Variants in AUH observed in about 807,000 individuals in gnomAD.
AUH encodes AU RNA binding methylglutaconyl-CoA hydratase.
AUH carries 29 observed loss-of-function variants against 42.3 expected under a neutral mutation model. The ratio of observed to expected loss-of-function variants is 0.69; its 90% confidence interval spans 0.51 to 0.93. The LOEUF (loss-of-function observed/expected upper bound fraction) is 0.93, where lower values mean the gene tolerates loss of function less well. AUH is among the 40% of genes least tolerant of loss of function. The pLI is 0.00. For missense variants in AUH, 452 were observed against 438.1 expected, an observed-to-expected ratio of 1.03 and a Z score of -0.28; for synonymous variants, 174 against 166.4, an observed-to-expected ratio of 1.05 and a Z score of -0.35.
intron 1 of AUH, among the ~76,000 whole-genome samples, chr9:91,359,990 C>T (rs557947864): frequency 2.6e-5 from 4 of 151,250 alleles, no homozygotes; most frequent in African/African-American, 9.7e-5. Context: ...TATGTCCTAT[C>T]TCATCAGGAA....
intron 7 of AUH, among the ~76,000 whole-genome samples, 158 bp from the exon 8 acceptor site, chr9:91,217,485 T>C (rs973223235): frequency 1.4e-4 from 21 of 151,910 alleles, no homozygotes; most frequent in Admixed American, 2.0e-4. Context: ...TGCAAGGCTG[T>C]AATTAAAGAG....
chr9:91,322,841 G>C (rs961334316), intron 4 of AUH, among the ~76,000 whole-genome samples: 38 of 152,230 alleles, frequency 2.5e-4, no homozygotes, highest in African/African-American at 8.9e-4. Flanking sequence ...TGACCAGACA[G>C]AGCTTATTCT....
intron 4 of AUH, among the ~76,000 whole-genome samples, chr9:91,298,987 G>T (rs1827568982): frequency 6.6e-6 from 1 of 152,168 alleles, no homozygotes. Flanking sequence ...GGGAGGCCGA[G>T]GTGGGAGGAT....
chr9:91,281,394 C>G (rs1181373156), intron 6 of AUH, among the ~76,000 whole-genome samples: 1 of 152,146 alleles, frequency 6.6e-6, no homozygotes, highest in Non-Finnish European at 1.5e-5. Flanking sequence ...CTGGAGTTCT[C>G]TCTGTCTGTA....
chr9:91,331,315 T>G (rs1830310443), intron 3 of AUH, among the ~76,000 whole-genome samples: 1 of 152,250 alleles, frequency 6.6e-6, no homozygotes, highest in African/African-American at 2.4e-5. Context: ...TATTTGAGAA[T>G]GTATAATAAG....
At chr9:91,234,681 A>C (rs1432447914) in intron 6 of AUH, among the ~76,000 whole-genome samples, 1 of 151,702 alleles carries the variant, frequency 6.6e-6, no homozygotes, top group Non-Finnish European at 1.5e-5. Flanking sequence ...AGTGCCAGGC[A>C]CTGTCCTAGG....
chr9:91,263,486 G>A (rs867436642), intron 6 of AUH, among the ~76,000 whole-genome samples: 26 of 152,218 alleles, frequency 1.7e-4, no homozygotes, highest in South Asian at 8.3e-4. Context: ...TTTATTTAAG[G>A]CTAGTATCAA....
chr9:91,320,267 G>T (rs1041634247), intron 4 of AUH, among the ~76,000 whole-genome samples: 10 of 152,172 alleles, frequency 6.6e-5, no homozygotes, highest in African/African-American at 2.2e-4. Flanking sequence ...GTTTCTAACT[G>T]TTAAAGCAAA....
chr9:91,228,828 G>A (rs1217994561), intron 6 of AUH, among the ~76,000 whole-genome samples: 5 of 152,202 alleles, frequency 3.3e-5, no homozygotes, highest in Non-Finnish European at 7.3e-5. Flanking sequence ...AGTCATTTAG[G>A]AGCAGGTTGT....
chr9:91,338,530 C>T (rs1587891779), intron 3 of AUH, among the ~76,000 whole-genome samples: 1 of 152,110 alleles, frequency 6.6e-6, no homozygotes, highest in Admixed American at 6.5e-5. Flanking sequence ...TCCCAGGTTC[C>T]AGCAATTCTC....
chr9:91,333,857 T>C (rs572497487), intron 3 of AUH, among the ~76,000 whole-genome samples: 6 of 152,326 alleles, frequency 3.9e-5, no homozygotes, highest in African/African-American at 1.4e-4. Flanking sequence ...AACATTAATA[T>C]TTTAAAGGCC....
chr9:91,307,427 C>T (rs1828313494), intron 4 of AUH, among the ~76,000 whole-genome samples: 3 of 152,164 alleles, frequency 2.0e-5, no homozygotes, highest in African/African-American at 2.4e-5. Context: ...TCTCCCCTTA[C>T]GTGCGGTTTC....
rs539307559 is a variant in AUH at position 91,280,555 on chromosome 9, T to C, written c.655+15466A>G. ...AATTAATTAGATTCCATTACTTACA[T>C]AATTTGAACACATAAATAAAGCTAA... On this transcript the variant is annotated intron_variant, in intron 6 of 9. Transcript: ENST00000375731. 3.3e-5 allele frequency among the ~76,000 whole-genome samples: 5 copies of C among 152,314 alleles called. No homozygotes were observed. The South Asian group carries it at 1.0e-3, about 32-fold the overall frequency.
In AUH at chr9:91,262,048, T is replaced by C. The variant is rs556937907; in HGVS notation, c.655+33973A>G. 1.1e-3 allele frequency among the ~76,000 whole-genome samples: 165 copies of C among 152,322 alleles called. 2 individuals carry two copies. Among genetic ancestry groups the C allele is most frequent in the Non-Finnish European group, 2.0e-3 (133 of 68,018 alleles). On this transcript the variant is annotated intron_variant, in intron 6 of 9. Transcript: ENST00000375731. ...TAAACCAATGGGAAAAAAAGATTTT[T>C]AAAAGTTCAGTTGAAGGCAATAACT...
At chr9:91,357,510 G>C (rs1832509630) in intron 1 of AUH, 1 of 961,922 alleles carries the variant, frequency 1.0e-6, no homozygotes, top group African/African-American at 1.8e-5. Context: ...CATGGAACTA[G>C]AGTCTAGGAG....
At chr9:91,346,948 G>A (rs1831558447) in intron 3 of AUH, among the ~76,000 whole-genome samples, 1 of 152,026 alleles carries the variant, frequency 6.6e-6, no homozygotes, top group South Asian at 2.1e-4. Context: ...ATGGGAAGAG[G>A]GAGTACAGAG....
At chr9:91,280,744 G>GC (rs879421647) in intron 6 of AUH, among the ~76,000 whole-genome samples, 2 of 152,100 alleles carry the variant, frequency 1.3e-5, no homozygotes, top group Non-Finnish European at 2.9e-5. Context: ...AGTGGGCTAG[G>GC]CCCCTTGGTC....
At chr9:91,314,245 C>T (rs1225331628) in intron 4 of AUH, among the ~76,000 whole-genome samples, 1 of 152,042 alleles carries the variant, frequency 6.6e-6, no homozygotes, top group East Asian at 1.9e-4. Context: ...TGGCTCATGC[C>T]TGTAATCCCA....
chr9:91,360,026 A>G (rs1304550667), intron 1 of AUH, among the ~76,000 whole-genome samples: 1 of 151,872 alleles, frequency 6.6e-6, no homozygotes, highest in Non-Finnish European at 1.5e-5. Flanking sequence ...AAAAAAAAAA[A>G]GAAACCATGA....
Sources: allele counts gnomAD v4.1 joint callset (sites outside exome capture counted in the v4.1 genomes callset), GRCh38; gene constraint gnomAD v4.1.1; transcripts MANE v1.5; gene names NCBI Gene and HGNC (gene_info 2026-07-23, HGNC 2026-07-21).